Variants in KMO observed in about 807,000 individuals in gnomAD.
The protein encoded by KMO is kynurenine 3-monooxygenase, also known as kynurenine 3-hydroxylase.
KMO carries 24 observed loss-of-function variants against 57.8 expected under a neutral mutation model. The ratio of observed to expected loss-of-function variants is 0.42; its 90% CI spans 0.30 to 0.58. KMO has a LOEUF of 0.58. Ranked by LOEUF, KMO falls within the 20% of genes least tolerant of loss-of-function variation. The pLI is 0.22. For synonymous variants in KMO, 210 were observed against 193.6 expected, an observed-to-expected ratio of 1.08 and a Z score of -0.70; for missense variants, 483 against 588.2, an observed-to-expected ratio of 0.82 and a Z score of 1.85.
intron 5 of KMO, among the ~76,000 whole-genome samples, chr1:241,556,532 C>T (rs1558418462): frequency 1.3e-5 from 2 of 152,200 alleles, no homozygotes; most frequent in Non-Finnish European, 2.9e-5. Flanking sequence ...GAAGAACTCA[C>T]ACTCTAATGG....
intron 11 of KMO, among the ~76,000 whole-genome samples, chr1:241,588,198 A>G (rs3765807): frequency 0.13 from 19,575 of 151,464 alleles, 1,562 homozygotes; most frequent in East Asian, 0.22. Flanking sequence ...TTTTAAAAAG[A>G]AAAAAAAAGC....
chr1:241,535,367 G>A (rs1260036415), intron 1 of KMO, among the ~76,000 whole-genome samples: 2 of 151,866 alleles, frequency 1.3e-5, no homozygotes, highest in Non-Finnish European at 2.9e-5. Context: ...AAAAATGAGA[G>A]TTGAGAACCT....
In KMO at chr1:241,594,279, C is replaced by A; in HGVS notation, c.*2126C>A. 1.2e-6 allele frequency: 1 copy of A among 841,086 alleles called. No homozygotes were observed. The highest frequency in any genetic ancestry group is 1.8e-6 in the Non-Finnish European group (1 of 548,612). The allele number at this position is 841,086 out of a possible 1,614,324, so 52.1% of individuals were successfully genotyped here. ...TTTTTGTTCAACCTCTTCCTGAGGC[C>A]CAAGAGCATATGGGCAATTCGGATT... On this transcript the variant is annotated 3_prime_UTR_variant, in exon 15 of 15. Coordinates refer to ENST00000366559, the MANE Select transcript of KMO (RefSeq NM_003679.5).
chr1:241,566,994 T>C (rs1662107380), intron 9 of KMO, among the ~76,000 whole-genome samples: 1 of 152,194 alleles, frequency 6.6e-6, no homozygotes, highest in Admixed American at 6.5e-5. Flanking sequence ...CTACACTTAC[T>C]AGACACGTAA....
Position 241,594,320 on chromosome 1 carries a change from A to C in KMO, c.*2167A>C. The C allele has an allele frequency of 1.6e-6, 2 of 1,239,126 alleles. No individual in the cohort carries two copies. The highest frequency in any genetic ancestry group is 4.4e-5 in the Admixed American group (2 of 45,722). The allele number at this position is 1,239,126 out of a possible 1,614,324, so 76.8% of individuals were successfully genotyped here. ...AATTCGGATTTCCTGCTGGACCACAAGGTTCTGTTGATATTACATAGAACG... is the reference window on the plus strand; with the variant it reads ...AATTCGGATTTCCTGCTGGACCACACGGTTCTGTTGATATTACATAGAACG... On this transcript the variant is annotated 3_prime_UTR_variant, in exon 15 of 15. Coordinates refer to ENST00000366559, the MANE Select transcript of KMO (RefSeq NM_003679.5).
chr1:241,540,128 C>T (rs1000237313), intron 1 of KMO, among the ~76,000 whole-genome samples: 11 of 152,074 alleles, frequency 7.2e-5, no homozygotes, highest in African/African-American at 2.7e-4. Context: ...ATTTTATATA[C>T]ATAGAAAATG....
chr1:241,547,475 AAAAGAT>A (rs951242526), intron 1 of KMO, among the ~76,000 whole-genome samples: 9 of 152,082 alleles, frequency 5.9e-5, no homozygotes, highest in Non-Finnish European at 8.8e-5. Flanking sequence ...GAAAATGGGC[AAAAGAT>A]CTAAACAGAC....
At position 241,555,474 on chromosome 1, in the gene KMO, A is replaced by T. The variant is rs568091950; in HGVS notation, c.313-138A>T. On this transcript the variant is annotated intron_variant, in intron 4 of 14. Transcript: ENST00000366559. ...TTTTTTAACAAAAAAATCAAAGGTC[A>T]CTTAGCGAAATGGTTATAAAACTAA... 456 of 505,248 alleles carry T rather than the reference A, an allele frequency of 9.0e-4. 4 individuals are homozygous for T. The highest frequency in any genetic ancestry group is 6.4e-3 in the African/African-American group (333 of 52,108). The allele number at this position is 505,248 out of a possible 1,614,324, so 31.3% of individuals were successfully genotyped here. A position where few individuals can be genotyped will look rare whatever the true frequency, so the allele number is the denominator to read the frequency against.
chr1:241,558,681 T>G (rs1661727238), intron 5 of KMO, among the ~76,000 whole-genome samples: 1 of 151,930 alleles, frequency 6.6e-6, no homozygotes, highest in African/African-American at 2.4e-5. Context: ...ATTATATTCT[T>G]GGTCTGCATT....
chr1:241,562,097 A>G, intron 6 of KMO, 70 bp from the exon 7 acceptor site: 1 of 1,350,792 alleles, frequency 7.4e-7, no homozygotes, highest in Non-Finnish European at 1.0e-6. Flanking sequence ...TACTTCTCAT[A>G]CCCAGAGGTA....
intron 11 of KMO, among the ~76,000 whole-genome samples, 169 bp from the exon 12 acceptor site, chr1:241,588,579 C>T: frequency 6.7e-6 from 1 of 149,952 alleles, no homozygotes; most frequent in African/African-American, 2.4e-5. Flanking sequence ...ACAGGAAATG[C>T]TCTGTGTATT....
chr1:241,564,135 G>A (rs766105185), intron 7 of KMO, among the ~76,000 whole-genome samples: 1 of 152,106 alleles, frequency 6.6e-6, no homozygotes, highest in Non-Finnish European at 1.5e-5. Flanking sequence ...AAATAACTAT[G>A]ATACAGTGTA....
intron 10 of KMO, among the ~76,000 whole-genome samples, chr1:241,583,687 T>C (rs1244878743): frequency 6.6e-6 from 1 of 152,224 alleles, no homozygotes; most frequent in Non-Finnish European, 1.5e-5. Context: ...ATTGTTATAC[T>C]GTATTTTTAT....
intron 1 of KMO, among the ~76,000 whole-genome samples, chr1:241,542,556 C>T (rs753367674): frequency 1.3e-5 from 2 of 152,204 alleles, no homozygotes; most frequent in Admixed American, 6.5e-5. Context: ...TTTGGTGCTT[C>T]GAAACAAATA....
chr1:241,537,142 T>C (rs1424623565), intron 1 of KMO, among the ~76,000 whole-genome samples: 1 of 152,172 alleles, frequency 6.6e-6, no homozygotes. Flanking sequence ...TCTTACCCTA[T>C]GGGTCTCAGT....
chr1:241,540,489 A>T (rs1219673442), intron 1 of KMO, among the ~76,000 whole-genome samples: 1 of 152,176 alleles, frequency 6.6e-6, no homozygotes, highest in African/African-American at 2.4e-5. Context: ...CAAAAACTGA[A>T]TATAAGGCAG....
In KMO at chr1:241,593,408, A is replaced by C. The variant is rs763596525; in HGVS notation, c.*1255A>C. ...ATCCTTCAAACATGATTAATTATGA[A>C]GATGAAACACTAGAGTCATATAAGA... On this transcript the variant is annotated 3_prime_UTR_variant, in exon 15 of 15. Coordinates refer to ENST00000366559, the MANE Select transcript of KMO (RefSeq NM_003679.5). The C allele has an allele frequency of 4.0e-5, 17 of 428,500 alleles. No individual in the cohort carries two copies. The highest frequency in any genetic ancestry group is 7.7e-5 in the Non-Finnish European group (15 of 195,596). The allele number at this position is 428,500 out of a possible 1,614,324, so 26.5% of individuals were successfully genotyped here.
chr1:241,534,781 A>G (rs1444819071), intron 1 of KMO, among the ~76,000 whole-genome samples: 1 of 152,218 alleles, frequency 6.6e-6, no homozygotes, highest in Non-Finnish European at 1.5e-5. Context: ...CTTCTAAAAC[A>G]TGAGTCTGAT....
intron 8 of KMO, 88 bp from the exon 9 acceptor site, chr1:241,566,391 TCCCTGGTCACAG>T: frequency 1.2e-6 from 1 of 802,930 alleles, no homozygotes; most frequent in Non-Finnish European, 1.8e-6. Context: ...TTCCAAAAGC[TCCCTGGTCACAG>T]CAAGAAGTCT....
Sources: allele counts gnomAD v4.1 joint callset (sites outside exome capture counted in the v4.1 genomes callset), GRCh38; gene constraint gnomAD v4.1.1; transcripts MANE v1.5; gene names NCBI Gene and HGNC (gene_info 2026-07-23, HGNC 2026-07-21).